Variants in ABCC3 observed in about 807,000 individuals in gnomAD.
The protein encoded by ABCC3 is ATP binding cassette subfamily C member 3, also known as ATP-binding cassette sub-family C member 3.
Under a neutral mutation model 165.3 loss-of-function variants are expected in ABCC3, and 121 were observed. The ratio of observed to expected loss-of-function variants is 0.73; its 90% confidence interval spans 0.63 to 0.85. The LOEUF is 0.85. ABCC3 is among the 40% of genes least tolerant of loss of function. The pLI is 0.00. For missense variants in ABCC3, 1,869 were observed against 1,964.1 expected (o/e 0.95, Z 0.92); for synonymous variants, 733 against 810.1 (o/e 0.90, Z 1.62).
intron 2 of ABCC3, 41 bp downstream of exon 2, chr17:50,656,049 T>A (rs1353020779): frequency 7.0e-7 from 1 of 1,424,612 alleles, no homozygotes; most frequent in Non-Finnish European, 9.3e-7. Flanking sequence ...GGCTGGGCCC[T>A]GGGGATTCTG....
chr17:50,644,178 G>A (rs5024131), intron 1 of ABCC3, among the ~76,000 whole-genome samples: 37,643 of 151,270 alleles, frequency 0.25, 5,027 homozygotes, highest in African/African-American at 0.32. Flanking sequence ...GGGCGTGGTG[G>A]CGGGCATCTG....
intron 1 of ABCC3, chr17:50,643,753 G>C (rs1468716578): frequency 5.1e-6 from 2 of 395,126 alleles, no homozygotes; most frequent in South Asian, 3.6e-5. Flanking sequence ...TTGAGCAAGG[G>C]GGTAGGAGCA....
At chr17:50,689,380 G>C (rs953997950) in intron 30 of ABCC3, among the ~76,000 whole-genome samples, 1 of 152,194 alleles carries the variant, frequency 6.6e-6, no homozygotes, top group African/African-American at 2.4e-5. Context: ...TCAAAGTGTG[G>C]TGCTGGAGGT....
At chr17:50,638,511 C>A (rs2054199789) in intron 1 of ABCC3, among the ~76,000 whole-genome samples, 1 of 152,096 alleles carries the variant, frequency 6.6e-6, no homozygotes, top group South Asian at 2.1e-4. Flanking sequence ...AAGGTGGGGT[C>A]CTGAGATTCT....
At position 50,667,889 on chromosome 17, in the gene ABCC3, C is replaced by T. The variant is rs371703779; in HGVS notation, c.1662C>T (p.Tyr554=). The change falls in exon 13 of 31, where the codon TAC becomes TAT. Residue 554 remains tyrosine, a synonymous_variant. Coordinates refer to ENST00000285238, the MANE Select transcript of ABCC3 (RefSeq NM_003786.4). Reference sequence around the variant, plus strand: ...TGACCCTGATCACCCTCTGGGTGTACGTGTACGTGGACCCAAACAATGTGC... The same window carrying T: ...TGACCCTGATCACCCTCTGGGTGTATGTGTACGTGGACCCAAACAATGTGC... ...FLVTLITLWV[Y]VYVDPNNVLD... 1.4e-5 allele frequency: 23 copies of T among 1,613,960 alleles called. No homozygotes were observed. The highest frequency in any genetic ancestry group is 1.5e-5 in the Non-Finnish European group (18 of 1,179,974).
At chr17:50,642,055 A>G (rs1966902216) in intron 1 of ABCC3, among the ~76,000 whole-genome samples, 1 of 152,002 alleles carries the variant, frequency 6.6e-6, no homozygotes, top group Non-Finnish European at 1.5e-5. Context: ...CTGTAATTTG[A>G]AGGTAGAATG....
intron 1 of ABCC3, among the ~76,000 whole-genome samples, chr17:50,655,292 G>C (rs1418295558): frequency 6.6e-6 from 1 of 150,504 alleles, no homozygotes; most frequent in Non-Finnish European, 1.5e-5. Context: ...TGTAGTCCCA[G>C]CTACTCAGGA....
chr17:50,644,181 G>C (rs5024132), intron 1 of ABCC3, among the ~76,000 whole-genome samples: 37,625 of 150,560 alleles, frequency 0.25, 5,028 homozygotes, highest in African/African-American at 0.33. Context: ...CGTGGTGGCG[G>C]GCATCTGTAA....
chr17:50,678,371 A>C, intron 25 of ABCC3, 152 bp downstream of exon 25: 1 of 884,868 alleles, frequency 1.1e-6, no homozygotes, highest in Non-Finnish European at 1.5e-6. Context: ...AAAAAAGAAA[A>C]AAATCATTGA....
intron 1 of ABCC3, chr17:50,643,803 T>TG: frequency 3.0e-6 from 1 of 334,880 alleles, no homozygotes; most frequent in Non-Finnish European, 6.0e-6. Flanking sequence ...GAGTTGGCTG[T>TG]GGGGGAAGGG....
At chr17:50,684,912 C>G in intron 29 of ABCC3, 37 bp downstream of exon 29, 1 of 1,601,874 alleles carries the variant, frequency 6.2e-7, no homozygotes, top group Non-Finnish European at 8.5e-7. Flanking sequence ...GAACTGCAAC[C>G]CTCCCTGGGA....
chr17:50,663,957 T>C lies in ABCC3; in HGVS notation c.1184T>C (p.Val395Ala), dbSNP rs755475860. 7 of 1,613,948 alleles carry C rather than the reference T, an allele frequency of 4.3e-6. No individual in the cohort carries two copies. The highest frequency in any genetic ancestry group is 5.9e-6 in the Non-Finnish European group (7 of 1,179,998). The part of the protein sequence containing the change: ...IMGVIYRKAL[V>A]ITNSVKRAST... ...ACTACTGTCTACCTGCAGGCTCTGG[T>C]TATCACCAACTCAGTCAAACGTGCG... Residue 395 changes from valine (V) to alanine (A), a missense_variant, in exon 10 of 31, where the codon GTT (valine) becomes GCT (alanine). By Grantham distance (64) the Val-to-Ala change is moderately conservative (BLOSUM62 0). Coordinates refer to ENST00000285238, the MANE Select transcript of ABCC3 (RefSeq NM_003786.4).
Position 50,657,138 on chromosome 17 carries a change from C to T in ABCC3, c.441C>T (p.Cys147=), listed in dbSNP as rs558144773. 18 of 1,614,134 alleles carry T rather than the reference C, an allele frequency of 1.1e-5. No individual in the cohort carries two copies. Among genetic ancestry groups the T allele is most frequent in the East Asian group, 6.7e-5 (3 of 44,876 alleles). The change falls in exon 4 of 31, where the codon TGC becomes TGT. Residue 147 remains cysteine, a synonymous_variant. Coordinates refer to ENST00000285238, the MANE Select transcript of ABCC3 (RefSeq NM_003786.4). ...LIIFWFLCVV[C]AIVPFRSKIL... is the part of the protein sequence containing the mutation. ...TCTTCTGGTTCCTGTGTGTGGTCTG[C>T]GCCATCGTCCCATTCCGCTCCAAGA... is the stretch of plus-strand genomic sequence containing the variant.
chr17:50,673,906 T>TTCTTTCTC (rs1185597974), intron 19 of ABCC3, among the ~76,000 whole-genome samples: 4 of 10,644 alleles, frequency 3.8e-4, no homozygotes, highest in Admixed American at 3.2e-3. Context: ...CCTGTTTTCT[T>TTCTTTCTC]TCTTTCTTTC....
chr17:50,675,691 C>A lies in ABCC3; in HGVS notation c.2775C>A (p.His925Gln). Residue 925 changes from histidine (H) to glutamine (Q), a missense_variant, in exon 21 of 31, where the codon CAC (histidine) becomes CAA (glutamine). Coordinates refer to ENST00000285238, the MANE Select transcript of ABCC3 (RefSeq NM_003786.4). ...EGQGRPVPRRHLGPSEKVQVT... is the reference protein window; with the variant it reads ...EGQGRPVPRRQLGPSEKVQVT... Reference sequence around the variant, plus strand: ...AGGGTCGGCCTGTACCCCGGAGGCACCTGGGTCCATCAGAGAAGGTGCAGG... The same window carrying A: ...AGGGTCGGCCTGTACCCCGGAGGCAACTGGGTCCATCAGAGAAGGTGCAGG... The A allele has an allele frequency of 6.4e-7, 1 of 1,571,804 alleles. No individual in the cohort carries two copies. The highest frequency in any genetic ancestry group is 8.6e-7 in the Non-Finnish European group (1 of 1,158,480).
chr17:50,660,901 T>C, intron 7 of ABCC3, 22 bp from the exon 8 acceptor site: 1 of 1,567,004 alleles, frequency 6.4e-7, no homozygotes, highest in Non-Finnish European at 8.6e-7. Flanking sequence ...CCTAACCCAC[T>C]GCTCCTTCCT....
Position 50,687,652 on chromosome 17 carries a change from C to T in ABCC3, c.4397C>T (p.Ala1466Val). 2 of 1,614,258 alleles carry T rather than the reference C, an allele frequency of 1.2e-6. No homozygotes were observed. The highest frequency in any genetic ancestry group is 1.7e-6 in the Non-Finnish European group (2 of 1,180,042). ...CTGGAGACTGACAACCTCATCCAGGCTACCATCCGCACCCAGTTTGATACC... is the reference window on the plus strand; with the variant it reads ...CTGGAGACTGACAACCTCATCCAGGTTACCATCCGCACCCAGTTTGATACC... ...IDLETDNLIQATIRTQFDTCT... is the reference protein window; with the variant it reads ...IDLETDNLIQVTIRTQFDTCT... The change falls in exon 30 of 31, where the codon GCT becomes GTT. Residue 1466 changes from alanine to valine, a missense_variant. Coordinates refer to ENST00000285238, the MANE Select transcript of ABCC3 (RefSeq NM_003786.4).
At chr17:50,667,801 G>T in intron 12 of ABCC3, 44 bp downstream of exon 12, 1 of 1,613,650 alleles carries the variant, frequency 6.2e-7, no homozygotes, top group South Asian at 1.1e-5. Flanking sequence ...CAGGGCTCTG[G>T]GTGCCCAGGC....
In ABCC3 at chr17:50,659,234, C is replaced by G; in HGVS notation, c.675-3C>G. ...CTGCCTGCCGGGCTTCACCTCCCCC[C>G]AGGATGGCCATCTATGGCTACCGGC... On this transcript the variant is annotated splice_polypyrimidine_tract_variant and splice_region_variant and intron_variant, in intron 6 of 30. Coordinates refer to ENST00000285238, the MANE Select transcript of ABCC3 (RefSeq NM_003786.4). The G allele has an allele frequency of 6.2e-7, 1 of 1,613,544 alleles. No individual in the cohort carries two copies. The highest frequency in any genetic ancestry group is 8.5e-7 in the Non-Finnish European group (1 of 1,179,672).
Sources: allele counts gnomAD v4.1 joint callset (sites outside exome capture counted in the v4.1 genomes callset), GRCh38; gene constraint gnomAD v4.1.1; transcripts MANE v1.5; gene names NCBI Gene and HGNC (gene_info 2026-07-23, HGNC 2026-07-21).